The following ARID1B variants were observed in gnomAD, a reference collection of about 807,000 sequenced individuals.
The protein encoded by ARID1B is AT-rich interaction domain 1B.
In ARID1B, 30 loss-of-function variants were observed where a neutral mutation model predicts 212.3. That is an observed-to-expected ratio of 0.14 (90% confidence interval 0.11 to 0.19). The LOEUF (loss-of-function observed/expected upper bound fraction) is 0.19, where lower values mean the gene tolerates loss of function less well. Ranked by LOEUF, ARID1B falls within the 10% of genes least tolerant of loss-of-function variation. ARID1B has a pLI of 1.00. For synonymous variants in ARID1B, 1,402 were observed against 1,301.7 expected (o/e 1.08, Z -1.66); for missense variants, 2,891 against 3,204.0 (o/e 0.90, Z 2.36).
At chr6:156,946,841 C>G (rs897501205) in intron 4 of ARID1B, among the ~76,000 whole-genome samples, 1 of 151,460 alleles carries the variant, frequency 6.6e-6, no homozygotes, top group East Asian at 2.0e-4. Context: ...GAGAGTAAAG[C>G]AAGTCCTGAA....
intron 1 of ARID1B, among the ~76,000 whole-genome samples, chr6:156,786,857 G>A (rs1198323117): frequency 2.0e-5 from 3 of 151,948 alleles, no homozygotes; most frequent in Admixed American, 2.0e-4. Context: ...TACCTGGATC[G>A]TGGTATTGCT....
chr6:156,918,109 C>T (rs1790502486), intron 3 of ARID1B, among the ~76,000 whole-genome samples: 1 of 152,018 alleles, frequency 6.6e-6, no homozygotes, highest in African/African-American at 2.4e-5. Flanking sequence ...AGAAAAAATA[C>T]TTTTTTTAAA....
At chr6:156,907,663 T>C (rs1224831789) in intron 3 of ARID1B, among the ~76,000 whole-genome samples, 1 of 151,232 alleles carries the variant, frequency 6.6e-6, no homozygotes, top group Non-Finnish European at 1.5e-5. Flanking sequence ...TCTATCACTT[T>C]GGGAGGGCAG....
At chr6:156,832,278 C>CAAACAGGG (rs1417821981) in intron 2 of ARID1B, among the ~76,000 whole-genome samples, 1 of 152,180 alleles carries the variant, frequency 6.6e-6, no homozygotes. Context: ...AATTTGTTCA[C>CAAACAGGG]AAACAGGGTC....
intron 4 of ARID1B, among the ~76,000 whole-genome samples, chr6:157,046,067 G>A (rs1782220569): frequency 6.6e-6 from 1 of 152,110 alleles, no homozygotes; most frequent in African/African-American, 2.4e-5. Flanking sequence ...ACAGTTACAT[G>A]TTTGAGTTTA....
rs1554264583 is a variant in ARID1B at position 156,897,218 on chromosome 6, G to GCTGCTGCTGCTTCTT, written c.1987-4156_1987-4155insGCTGCTGCTTCTTCT. Among the ~76,000 whole-genome samples the GCTGCTGCTGCTTCTT allele has an allele frequency of 2.5e-4, 23 of 91,366 alleles. No individual in the cohort carries two copies. The East Asian group carries it at 3.7e-3, about 15-fold the overall frequency. 59.9% of individuals were successfully genotyped at this position (91,366 alleles called of 152,430 possible). A position where few individuals can be genotyped will look rare whatever the true frequency, so the allele number is the denominator to read the frequency against. On this transcript the variant is annotated intron_variant, in intron 2 of 19. Transcript: ENST00000636930. ...TGCTGCTGCTGCTGCTGCTGCTGCT[G>GCTGCTGCTGCTTCTT]CTTCTTCTTCTTCTTCTTCTTCTTC...
intron 2 of ARID1B, among the ~76,000 whole-genome samples, chr6:156,838,980 T>A (rs1007866300): frequency 2.0e-5 from 3 of 152,144 alleles, no homozygotes; most frequent in Non-Finnish European, 4.4e-5. Context: ...TCCAGACATC[T>A]TAAGGATTTA....
At chr6:157,018,232 T>TTTC (rs1458960543) in intron 4 of ARID1B, among the ~76,000 whole-genome samples, 1 of 145,782 alleles carries the variant, frequency 6.9e-6, no homozygotes, top group Non-Finnish European at 1.5e-5. Context: ...TTTTTTTTTT[T>TTTC]TTGAGATACA....
chr6:156,915,539 G>A (rs1046175742), intron 3 of ARID1B, among the ~76,000 whole-genome samples: 5 of 151,388 alleles, frequency 3.3e-5, no homozygotes, highest in African/African-American at 9.7e-5. Flanking sequence ...CTGCACTGCA[G>A]CCTCGGTGAC....
At chr6:157,083,852 G>A (rs549218991) in intron 4 of ARID1B, among the ~76,000 whole-genome samples, 2 of 151,908 alleles carry the variant, frequency 1.3e-5, no homozygotes, top group South Asian at 2.1e-4. Context: ...AGAATTTCTC[G>A]GCCAGGCACA....
chr6:157,155,645 G>A (rs909319656), intron 8 of ARID1B, among the ~76,000 whole-genome samples: 2 of 152,152 alleles, frequency 1.3e-5, no homozygotes, highest in African/African-American at 4.8e-5. Context: ...CAAATGTTTT[G>A]TGTTGAGTCC....
chr6:156,841,182 G>A (rs1783876081), intron 2 of ARID1B, among the ~76,000 whole-genome samples: 2 of 152,180 alleles, frequency 1.3e-5, no homozygotes, highest in South Asian at 4.1e-4. Flanking sequence ...CTGGGATCAC[G>A]GAAAGGGCTT....
At chr6:156,784,895 G>A (rs111511889) in intron 1 of ARID1B, among the ~76,000 whole-genome samples, 129 of 152,282 alleles carry the variant, frequency 8.5e-4, no homozygotes, top group African/African-American at 3.1e-3. Flanking sequence ...AAGCAGCTGG[G>A]ACTACAGGTG....
chr6:157,033,312 A>G (rs1781125902), intron 4 of ARID1B, among the ~76,000 whole-genome samples: 1 of 152,200 alleles, frequency 6.6e-6, no homozygotes, highest in African/African-American at 2.4e-5. Context: ...ATCGTTCATT[A>G]TACATTGTTA....
rs575597824 is a variant in ARID1B, at chr6:156,885,505, T to C, written c.1987-15871T>C. The stretch of plus-strand genomic sequence containing the variant: ...TAAGTCCTCCTCCCTTTCCCCTGCC[T>C]GCCCTTGGGTGTCTTTCTGTTACTG... On this transcript the variant is annotated intron_variant, in intron 2 of 19. Coordinates refer to ENST00000636930, the MANE Select transcript of ARID1B (RefSeq NM_001374828.1). Among the ~76,000 whole-genome samples, 18 of 152,352 alleles carry C rather than the reference T, an allele frequency of 1.2e-4. No homozygotes were observed. The South Asian group carries it at 3.7e-3, about 32-fold the overall frequency.
intron 5 of ARID1B, among the ~76,000 whole-genome samples, chr6:157,099,146 T>C (rs112247776): frequency 0.055 from 8,336 of 152,106 alleles, 348 homozygotes; most frequent in Non-Finnish European, 0.086. Flanking sequence ...CAGGGTTTTA[T>C]CATGTTGGCC....
intron 2 of ARID1B, among the ~76,000 whole-genome samples, chr6:156,861,368 A>T (rs2128128256): frequency 6.6e-6 from 1 of 152,316 alleles, no homozygotes; most frequent in East Asian, 1.9e-4. Context: ...TGGGAGGCTG[A>T]TGCCGGTGAA....
At chr6:156,908,356 G>A (rs1469516269) in intron 3 of ARID1B, among the ~76,000 whole-genome samples, 1 of 152,000 alleles carries the variant, frequency 6.6e-6, no homozygotes, top group Non-Finnish European at 1.5e-5. Flanking sequence ...GTTCGTAATA[G>A]CCTTTATTAC....
intron 2 of ARID1B, among the ~76,000 whole-genome samples, chr6:156,856,432 G>T (rs1338001068): frequency 6.6e-6 from 1 of 152,146 alleles, no homozygotes; most frequent in Non-Finnish European, 1.5e-5. Context: ...TAAGATGTAT[G>T]TCCTATTAAC....
Sources: gnomAD v4.1 joint callset for allele counts (sites outside exome capture counted in the v4.1 genomes callset) on GRCh38, gnomAD v4.1.1 for gene constraint, MANE v1.5 for transcripts, NCBI Gene and HGNC (gene_info 2026-07-23, HGNC 2026-07-21) for gene names.